Variants in ARHGAP39 observed in about 807,000 individuals in gnomAD.
The protein encoded by ARHGAP39 is Rho GTPase activating protein 39.
Under a neutral mutation model 106.9 loss-of-function variants are expected in ARHGAP39, and 44 were observed. The observed-to-expected ratio is 0.41, with a 90% CI of 0.32 to 0.53. ARHGAP39 has a LOEUF of 0.53. Ranked by LOEUF, ARHGAP39 falls within the 20% of genes least tolerant of loss-of-function variation. The pLI, the probability that ARHGAP39 is intolerant of heterozygous loss-of-function variation, is 0.21. For missense variants in ARHGAP39, 1,496 were observed against 1,577.3 expected (o/e 0.95, Z 0.87); for synonymous variants, 768 against 693.2 (o/e 1.11, Z -1.69).
At chr8:144,656,425 C>G (rs546151626) in intron 1 of ARHGAP39, among the ~76,000 whole-genome samples, 1 of 151,956 alleles carries the variant, frequency 6.6e-6, no homozygotes, top group South Asian at 2.1e-4. Flanking sequence ...ATCCTAAATG[C>G]GTATGCCTAG....
rs892856953 is a variant in ARHGAP39, at chr8:144,671,526, C to T, written c.-82+14160G>A. 8.5e-5 allele frequency among the ~76,000 whole-genome samples: 13 copies of T among 152,226 alleles called. No individual in the cohort carries two copies. The highest frequency in any genetic ancestry group is 3.1e-4 in the African/African-American group (13 of 41,470). The stretch of plus-strand genomic sequence containing the variant: ...CTGCTCCCTGACCCCCAGATGCCTG[C>T]TCACCTGGGCTCTCGCCAACACTCC... On this transcript the variant is annotated intron_variant, in intron 1 of 11. Transcript: ENST00000377307. The surrounding 1 kb of genome is among the most constrained non-coding windows in gnomAD (Gnocchi z 4.5).
chr8:144,599,293 C>T (rs1819750300), intron 2 of ARHGAP39, among the ~76,000 whole-genome samples: 1 of 152,192 alleles, frequency 6.6e-6, no homozygotes, highest in South Asian at 2.1e-4. Flanking sequence ...GAGGCACACA[C>T]ACAATAGAGG....
the ARHGAP39 span, chr8:144,698,846 G>C: frequency 6.6e-6 from 3 of 456,028 alleles, no homozygotes; most frequent in Non-Finnish European, 1.3e-5. Context: ...TCACCTCTAA[G>C]GACTCAGAAG....
chr8:144,540,620 G>A (rs539396892), intron 6 of ARHGAP39, among the ~76,000 whole-genome samples: 1 of 152,220 alleles, frequency 6.6e-6, no homozygotes, highest in African/African-American at 2.4e-5. Flanking sequence ...GGCCAACATG[G>A]TGAAACCCTG....
At chr8:144,583,300 A>G in intron 2 of ARHGAP39, among the ~76,000 whole-genome samples, 1 of 152,150 alleles carries the variant, frequency 6.6e-6, no homozygotes, top group Non-Finnish European at 1.5e-5. Context: ...TTTGTTTTAT[A>G]ATTTCATATT....
At chr8:144,572,161 A>G (rs921459122) in intron 3 of ARHGAP39, among the ~76,000 whole-genome samples, 2 of 152,200 alleles carry the variant, frequency 1.3e-5, no homozygotes, top group Admixed American at 6.5e-5. Flanking sequence ...AAGAGCCCAC[A>G]TTGCCAAGAC....
chr8:144,602,979 G>C (rs1352980399), intron 2 of ARHGAP39, among the ~76,000 whole-genome samples: 1 of 138,592 alleles, frequency 7.2e-6, no homozygotes, highest in Non-Finnish European at 1.5e-5. Context: ...GCGAGCTCGT[G>C]TACCTGTGTG....
chr8:144,566,948 A>C (rs1225894604), intron 3 of ARHGAP39, among the ~76,000 whole-genome samples: 3 of 152,190 alleles, frequency 2.0e-5, no homozygotes, highest in Non-Finnish European at 4.4e-5. Context: ...ATTTCTTGTT[A>C]GAAATGATGC....
intron 4 of ARHGAP39, 27 bp downstream of exon 4, chr8:144,555,533 C>T (rs751217181): frequency 1.5e-5 from 24 of 1,603,636 alleles, no homozygotes; most frequent in South Asian, 4.4e-5. Context: ...CCATCACAAA[C>T]GGCCACGCCT....
chr8:144,596,248 T>A (rs1365907297), intron 2 of ARHGAP39, among the ~76,000 whole-genome samples: 4 of 144,516 alleles, frequency 2.8e-5, no homozygotes, highest in Non-Finnish European at 6.0e-5. Flanking sequence ...CCACCACCCC[T>A]CAGTGGGCAG....
chr8:144,690,519 C>T (rs138361995), upstream of ARHGAP39, among the ~76,000 whole-genome samples: 212 of 152,118 alleles, frequency 1.4e-3, 4 homozygotes, highest in East Asian at 0.033. Flanking sequence ...GGATGTGAGG[C>T]GATATCTAAT....
intron 1 of ARHGAP39, among the ~76,000 whole-genome samples, chr8:144,629,289 G>A (rs1355759686): frequency 3.9e-5 from 6 of 152,206 alleles, no homozygotes; most frequent in Admixed American, 2.0e-4. Flanking sequence ...CACCAATGGC[G>A]ACACCTCAAG....
rs1217903008 is a variant in ARHGAP39, at chr8:144,684,047, G to A, written c.-82+1639C>T. On this transcript the variant is annotated intron_variant, in intron 1 of 11. Transcript: ENST00000377307. This position sits in a 1 kb window ranked among gnomAD's most constrained non-coding sequence, Gnocchi z 4.4. Reference sequence around the variant, plus strand: ...GAGAAGCCAAAGGCACAGAGACCTTGCCGAAGACCACAAAGCCAGTAAACA... The same window carrying A: ...GAGAAGCCAAAGGCACAGAGACCTTACCGAAGACCACAAAGCCAGTAAACA... Among the ~76,000 whole-genome samples the A allele has an allele frequency of 6.6e-6, 1 of 152,212 alleles. No individual in the cohort carries two copies. Among genetic ancestry groups the A allele is most frequent in the Non-Finnish European group, 1.5e-5 (1 of 68,042 alleles).
chr8:144,537,853 C>T (rs564896208), intron 6 of ARHGAP39, 40 bp from the exon 7 acceptor site: 48 of 1,588,102 alleles, frequency 3.0e-5, no homozygotes, highest in East Asian at 1.8e-4. Context: ...CAGAACAAAA[C>T]GCCAGGAGCC....
chr8:144,576,481 C>T (rs912500594), intron 3 of ARHGAP39, among the ~76,000 whole-genome samples: 24 of 152,100 alleles, frequency 1.6e-4, no homozygotes, highest in African/African-American at 5.6e-4. Flanking sequence ...AGAGAGTGGG[C>T]CCTGAGCCAT....
At chr8:144,633,572 T>C (rs1563717355) in intron 1 of ARHGAP39, among the ~76,000 whole-genome samples, 1 of 152,370 alleles carries the variant, frequency 6.6e-6, no homozygotes, top group Non-Finnish European at 1.5e-5. Flanking sequence ...AATTCAAAGC[T>C]AAATGCTTTG....
In ARHGAP39 at chr8:144,547,854, C is replaced by CGCA; in HGVS notation, c.1229_1231dup (p.Leu410dup). 6.3e-7 allele frequency: 1 copy of CGCA among 1,586,816 alleles called. No homozygotes were observed. Among genetic ancestry groups the CGCA allele is most frequent in the Non-Finnish European group, 8.6e-7 (1 of 1,167,232 alleles). On this transcript the variant is annotated inframe_insertion, in exon 5 of 12. Coordinates refer to ENST00000377307, the MANE Select transcript of ARHGAP39 (RefSeq NM_025251.3). The surrounding 1 kb of genome is among the most constrained non-coding windows in gnomAD (Gnocchi z 5.2). ...CGCGTACTTGTGCCGCGGGCCGGCG[C>CGCA]GCAGCTTGGGGCTGGAGCCCGCCTG...
At chr8:144,623,074 T>G (rs1447934015) in intron 1 of ARHGAP39, among the ~76,000 whole-genome samples, 2 of 152,242 alleles carry the variant, frequency 1.3e-5, no homozygotes, top group Admixed American at 6.5e-5. Flanking sequence ...AAGTCCTGTG[T>G]GGACGGAGTG....
chr8:144,636,325 A>G (rs536576358), intron 1 of ARHGAP39, among the ~76,000 whole-genome samples: 7 of 152,330 alleles, frequency 4.6e-5, no homozygotes, highest in South Asian at 2.1e-4. Context: ...AGGATTAGCA[A>G]TTAAGAGTGG....
Sources: allele counts gnomAD v4.1 joint callset (sites outside exome capture counted in the v4.1 genomes callset), GRCh38; gene constraint gnomAD v4.1.1; non-coding constraint Gnocchi (gnomAD v3.1); transcripts MANE v1.5; gene names NCBI Gene and HGNC (gene_info 2026-07-23, HGNC 2026-07-21).